Variants in SLC44A1 observed in about 807,000 individuals in gnomAD.
SLC44A1 encodes solute carrier family 44 member 1.
A neutral mutation model predicts 79.3 loss-of-function variants in SLC44A1; 26 were observed. That is an observed-to-expected ratio of 0.33 (90% CI 0.24 to 0.46). The LOEUF (loss-of-function observed/expected upper bound fraction) is 0.46, where lower values mean the gene tolerates loss of function less well. Ranked by LOEUF, SLC44A1 falls within the 20% of genes least tolerant of loss-of-function variation. The probability of loss-of-function intolerance (pLI) is 1.00; values close to 1 mark genes in which losing one functional copy is unlikely to be tolerated. For missense variants in SLC44A1, 688 were observed against 798.1 expected, an observed-to-expected ratio of 0.86 and a Z score of 1.66; for synonymous variants, 263 against 286.2, an observed-to-expected ratio of 0.92 and a Z score of 0.82.
At chr9:105,295,935 A>G (rs1274975681) in intron 1 of SLC44A1, among the ~76,000 whole-genome samples, 1 of 152,236 alleles carries the variant, frequency 6.6e-6, no homozygotes, top group African/African-American at 2.4e-5. Flanking sequence ...GATTAATAGT[A>G]ATCAATAACT....
At chr9:105,374,481 G>T in intron 12 of SLC44A1, 117 bp from the exon 13 acceptor site, 1 of 866,310 alleles carries the variant, frequency 1.2e-6, no homozygotes. Flanking sequence ...CTCATTAAAG[G>T]GTGCCATGTG....
intron 4 of SLC44A1, among the ~76,000 whole-genome samples, chr9:105,338,309 GTAA>G (rs3030595): frequency 0.21 from 32,188 of 152,010 alleles, 5,513 homozygotes; most frequent in African/African-American, 0.48. Context: ...ACTAGACCTG[GTAA>G]TAAGATTTAA....
chr9:105,383,087 G>A (rs750468121), intron 13 of SLC44A1, 36 bp from the exon 14 acceptor site: 3 of 1,442,536 alleles, frequency 2.1e-6, no homozygotes, highest in Admixed American at 1.7e-5. Context: ...TTCTTCAGTA[G>A]GATATTAAAT....
At chr9:105,409,823 C>A (rs1022718882) in intron 15 of SLC44A1, among the ~76,000 whole-genome samples, 11 of 152,006 alleles carry the variant, frequency 7.2e-5, no homozygotes, top group Non-Finnish European at 1.5e-4. Context: ...GACAGAAGAT[C>A]AAGAAGAAAA....
chr9:105,284,102 A>G (rs528770458), intron 1 of SLC44A1, among the ~76,000 whole-genome samples: 1 of 152,158 alleles, frequency 6.6e-6, no homozygotes, highest in Non-Finnish European at 1.5e-5. Flanking sequence ...ATCAAGGTTT[A>G]TCTGTCACAC....
chr9:105,361,272 T>G lies in SLC44A1; in HGVS notation c.842T>G (p.Ile281Arg), dbSNP rs745925602. ...KETVTPEQLQ[I>R]AEDNLRALLI... ...ACTGTTACTCCTGAGCAGCTTCAGATAGCTGAAGACAATCTTCGGGCCCTC... is the reference window on the plus strand; with the variant it reads ...ACTGTTACTCCTGAGCAGCTTCAGAGAGCTGAAGACAATCTTCGGGCCCTC... Residue 281 changes from isoleucine to arginine, a missense_variant, in exon 8 of 16, where the codon ATA becomes AGA. Coordinates refer to ENST00000374720, the MANE Select transcript of SLC44A1 (RefSeq NM_080546.5). 18 of 1,613,816 alleles carry G rather than the reference T, an allele frequency of 1.1e-5. No homozygotes were observed. In the Admixed American group the frequency reaches 1.8e-4, roughly 16 times the overall value.
At chr9:105,304,831 A>G (rs909248458) in intron 2 of SLC44A1, among the ~76,000 whole-genome samples, 2 of 151,040 alleles carry the variant, frequency 1.3e-5, no homozygotes, top group Non-Finnish European at 2.9e-5. Context: ...TCACTCCCTC[A>G]TGCTGATTAT....
intron 3 of SLC44A1, among the ~76,000 whole-genome samples, chr9:105,316,416 A>G (rs1831327069): frequency 1.3e-5 from 2 of 152,254 alleles, no homozygotes; most frequent in Non-Finnish European, 2.9e-5. Context: ...TATGTACAGC[A>G]TGATTTTATT....
At position 105,389,109 on chromosome 9, in the gene SLC44A1, A is replaced by G; in HGVS notation, c.*53A>G. ...TGACATTCCAAAACAATATATACAC[A>G]TAACTATGTATTTGTGTGTGTGGGT... On this transcript the variant is annotated 3_prime_UTR_variant, in exon 16 of 16. Coordinates refer to ENST00000374720, the MANE Select transcript of SLC44A1 (RefSeq NM_080546.5). 1.2e-6 allele frequency: 2 copies of G among 1,606,680 alleles called. No homozygotes were observed. Among genetic ancestry groups the G allele is most frequent in the Non-Finnish European group, 1.7e-6 (2 of 1,174,308 alleles).
At chr9:105,369,379 A>G (rs1331061530) in intron 12 of SLC44A1, among the ~76,000 whole-genome samples, 1 of 152,176 alleles carries the variant, frequency 6.6e-6, no homozygotes, top group East Asian at 1.9e-4. Flanking sequence ...GTGACTTCAC[A>G]TGGTGGAAGA....
chr9:105,351,671 A>AAAGAAAGAAAGAAAGG, intron 5 of SLC44A1, among the ~76,000 whole-genome samples: 1 of 151,428 alleles, frequency 6.6e-6, no homozygotes, highest in Non-Finnish European at 1.5e-5. Flanking sequence ...AGAAAGAAAG[A>AAAGAAAGAAAGAAAGG]AAGAACCAAG....
intron 3 of SLC44A1, among the ~76,000 whole-genome samples, chr9:105,331,412 T>TA (rs1157993797): frequency 2.0e-5 from 3 of 152,246 alleles, no homozygotes; most frequent in South Asian, 4.1e-4. Context: ...AGTTTTCAGT[T>TA]ACAATAATCT....
At chr9:105,383,648 G>A (rs1828543883) in intron 14 of SLC44A1, among the ~76,000 whole-genome samples, 1 of 152,150 alleles carries the variant, frequency 6.6e-6, no homozygotes, top group Admixed American at 6.5e-5. Context: ...GATTTGAATT[G>A]ACTTTTTAAA....
Position 105,395,802 on chromosome 9 carries a change from A to C in SLC44A1, c.*6746A>C. ...GACATTGAAAAGAAGACTTGGGAAT[A>C]ATTGGGCAGATAGAATGGGTTCCAT... is the stretch of plus-strand genomic sequence containing the variant. On this transcript the variant is annotated 3_prime_UTR_variant, in exon 16 of 16. Transcript: ENST00000374720. The C allele has an allele frequency of 7.1e-6, 7 of 985,256 alleles. No individual in the cohort carries two copies. The highest frequency in any genetic ancestry group is 8.4e-6 in the Non-Finnish European group (7 of 829,796). 61.0% of individuals were successfully genotyped at this position (985,256 alleles called of 1,614,324 possible). A position where few individuals can be genotyped will look rare whatever the true frequency, so the allele number is the denominator to read the frequency against.
At chr9:105,254,270 G>A (rs1444982189) in intron 1 of SLC44A1, among the ~76,000 whole-genome samples, 1 of 152,094 alleles carries the variant, frequency 6.6e-6, no homozygotes, top group African/African-American at 2.4e-5. Context: ...GATGGCTATG[G>A]CTCTTCTTAC....
chr9:105,389,129 G>A lies in SLC44A1; in HGVS notation c.*73G>A. ...TACACATAACTATGTATTTGTGTGT[G>A]TGGGTGTGTGTATATATGTATATGT... On this transcript the variant is annotated 3_prime_UTR_variant, in exon 16 of 16. Coordinates refer to ENST00000374720, the MANE Select transcript of SLC44A1 (RefSeq NM_080546.5). 2 of 1,581,084 alleles carry A rather than the reference G, an allele frequency of 1.3e-6. No homozygotes were observed. Among genetic ancestry groups the A allele is most frequent in the Admixed American group, 1.7e-5 (1 of 59,842 alleles).
At chr9:105,382,870 T>A (rs1005313737) in intron 13 of SLC44A1, among the ~76,000 whole-genome samples, 1 of 152,204 alleles carries the variant, frequency 6.6e-6, no homozygotes. Flanking sequence ...GGGTGCAGCA[T>A]AGCATTTGGA....
chr9:105,301,515 A>G lies in SLC44A1; in HGVS notation c.126+2206A>G, dbSNP rs77639198. Among the ~76,000 whole-genome samples, 793 of 152,346 alleles carry G rather than the reference A, an allele frequency of 5.2e-3. 27 individuals are homozygous for G. In the East Asian group the frequency reaches 0.059, roughly 11 times the overall value. ...CTATTCCTTGGCACAACAGAGATTCAGCATTTTTTGGCTTCTGAGTATTTG... is the reference window on the plus strand; with the variant it reads ...CTATTCCTTGGCACAACAGAGATTCGGCATTTTTTGGCTTCTGAGTATTTG... On this transcript the variant is annotated intron_variant, in intron 2 of 15. Coordinates refer to ENST00000374720, the MANE Select transcript of SLC44A1 (RefSeq NM_080546.5).
At chr9:105,429,154 A>G (rs1348997709) in intron 15 of SLC44A1, among the ~76,000 whole-genome samples, 1 of 152,262 alleles carries the variant, frequency 6.6e-6, no homozygotes, top group Non-Finnish European at 1.5e-5. Context: ...TCTCACTCAC[A>G]GGTAAGTGAT....
Sources: gnomAD v4.1 joint callset for allele counts (sites outside exome capture counted in the v4.1 genomes callset) on GRCh38, gnomAD v4.1.1 for gene constraint, MANE v1.5 for transcripts, NCBI Gene and HGNC (gene_info 2026-07-23, HGNC 2026-07-21) for gene names.